WWTR1: variants seen among roughly 807,000 people sequenced by gnomAD.
WWTR1 encodes the protein WW domain containing transcription regulator 1.
A neutral mutation model predicts 40.1 loss-of-function variants in WWTR1; 13 were observed. That is an observed-to-expected ratio of 0.32 (90% CI 0.21 to 0.52). The LOEUF (loss-of-function observed/expected upper bound fraction) is 0.52, where lower values mean the gene tolerates loss of function less well. Ranked by LOEUF, WWTR1 falls within the 20% of genes least tolerant of loss-of-function variation. The pLI, the probability that WWTR1 is intolerant of heterozygous loss-of-function variation, is 0.97. For missense variants in WWTR1, 436 were observed against 523.1 expected (o/e 0.83, Z 1.63); for synonymous variants, 230 against 210.1 (o/e 1.09, Z -0.82).
chr3:149,696,044 T>C (rs1439906504), intron 1 of WWTR1, among the ~76,000 whole-genome samples: 2 of 121,188 alleles, frequency 1.7e-5, no homozygotes, highest in African/African-American at 6.5e-5. Flanking sequence ...ACCCAGGAGG[T>C]GGAGCTTGCA....
At position 149,665,226 on chromosome 3, in the gene WWTR1, T is replaced by TC. The variant is rs764381090; in HGVS notation, c.-4+4561dup. Among the ~76,000 whole-genome samples, 514 of 97,718 alleles carry TC rather than the reference T, an allele frequency of 5.3e-3. 2 individuals carry two copies. Among genetic ancestry groups the TC allele is most frequent in the Non-Finnish European group, 8.7e-3 (427 of 49,010 alleles). 64.1% of individuals were successfully genotyped at this position (97,718 alleles called of 152,430 possible). On this transcript the variant is annotated intron_variant, in intron 2 of 7. Transcript: ENST00000465804. ...CGGGAAATTAGAAATTTCCTTTCTT[T>TC]CTTTTTTTTTTTTTTTTTGAGACAG...
At chr3:149,680,810 C>G (rs780407354) in intron 1 of WWTR1, among the ~76,000 whole-genome samples, 1 of 152,174 alleles carries the variant, frequency 6.6e-6, no homozygotes, top group Non-Finnish European at 1.5e-5. Context: ...CCACTTCACT[C>G]CAGCCTGAAT....
At chr3:149,541,126 T>C (rs762989208) in intron 4 of WWTR1, 2 of 435,474 alleles carry the variant, frequency 4.6e-6, no homozygotes, top group Non-Finnish European at 9.2e-6. Flanking sequence ...TCTTGCTTCA[T>C]GTGAGTCACA....
At chr3:149,524,377 C>CT (rs1560043021) in intron 6 of WWTR1, among the ~76,000 whole-genome samples, 2 of 137,420 alleles carry the variant, frequency 1.5e-5, no homozygotes, top group African/African-American at 5.4e-5. Flanking sequence ...ATCTCCTGAG[C>CT]TTTTTTCCTT....
intron 2 of WWTR1, among the ~76,000 whole-genome samples, chr3:149,582,165 C>G (rs554533612): frequency 6.6e-6 from 1 of 151,996 alleles, no homozygotes; most frequent in African/African-American, 2.4e-5. Flanking sequence ...AGAGACACCC[C>G]GTCATATGCT....
At chr3:149,554,066 A>G (rs1163194131) in intron 3 of WWTR1, among the ~76,000 whole-genome samples, 1 of 152,208 alleles carries the variant, frequency 6.6e-6, no homozygotes, top group East Asian at 1.9e-4. Context: ...GCAAAAAAAA[A>G]GCAGCTTTTC....
intron 3 of WWTR1, among the ~76,000 whole-genome samples, chr3:149,569,398 C>A (rs1362589757): frequency 6.6e-6 from 1 of 152,178 alleles, no homozygotes; most frequent in Middle Eastern, 3.4e-3. Flanking sequence ...TATATAAACT[C>A]GTAAGTTCCT....
intron 3 of WWTR1, among the ~76,000 whole-genome samples, chr3:149,555,299 G>T (rs1187997992): frequency 1.3e-5 from 2 of 152,178 alleles, no homozygotes; most frequent in Non-Finnish European, 1.5e-5. Flanking sequence ...AAGATTCCAA[G>T]AGGTAGTCAA....
At chr3:149,597,232 T>C (rs1011191773) in intron 2 of WWTR1, among the ~76,000 whole-genome samples, 3 of 152,120 alleles carry the variant, frequency 2.0e-5, no homozygotes, top group African/African-American at 7.2e-5. Flanking sequence ...TGTCGTATGC[T>C]GACAACAATG....
At chr3:149,713,091 T>C (rs111975353) in intron 5 of WWTR1, among the ~76,000 whole-genome samples, 43 of 152,256 alleles carry the variant, frequency 2.8e-4, no homozygotes, top group African/African-American at 9.9e-4. Flanking sequence ...GGAATGTAGG[T>C]GGAGAGAAAA....
At chr3:149,643,585 A>C (rs1198356689) in intron 2 of WWTR1, among the ~76,000 whole-genome samples, 1 of 152,222 alleles carries the variant, frequency 6.6e-6, no homozygotes, top group African/African-American at 2.4e-5. Context: ...AGTGAGAGAC[A>C]CTATAGGTTA....
At chr3:149,524,229 A>G (rs17195624) in intron 6 of WWTR1, among the ~76,000 whole-genome samples, 23,073 of 152,080 alleles carry the variant, frequency 0.15, 1,815 homozygotes, top group South Asian at 0.19. Flanking sequence ...TCAGGACGTC[A>G]TTTAATTCCA....
rs757669865 is a variant in WWTR1, at chr3:149,572,892, C to A, written c.540G>T (p.Arg180Ser). 13 of 1,613,262 alleles carry A rather than the reference C, an allele frequency of 8.1e-6. No individual in the cohort carries two copies. In the South Asian group the frequency reaches 1.2e-4, roughly 15 times the overall value. ...GATTTGGCTGGGATACTGCCATGGACCTCTGAGGCACTGGTGTGGAACTGA... is the reference window on the plus strand; with the variant it reads ...GATTTGGCTGGGATACTGCCATGGAACTCTGAGGCACTGGTGTGGAACTGA... The part of the protein sequence containing the change: ...PAVSSTPVPQ[R>S]SMAVSQPNLV... Residue 180 changes from arginine to serine, a missense_variant, in exon 3 of 7, where the codon AGG becomes AGT. Transcript: ENST00000360632.
At chr3:149,633,920 A>G (rs1711680091) in intron 2 of WWTR1, among the ~76,000 whole-genome samples, 1 of 152,192 alleles carries the variant, frequency 6.6e-6, no homozygotes, top group South Asian at 2.1e-4. Flanking sequence ...AGGACAGGAC[A>G]CCAAGAAGAG....
intron 2 of WWTR1, among the ~76,000 whole-genome samples, chr3:149,625,980 C>T (rs1740528023): frequency 6.6e-6 from 1 of 152,124 alleles, no homozygotes; most frequent in South Asian, 2.1e-4. Context: ...ACGTCTGACA[C>T]CCAGTTGAGC....
At chr3:149,576,635 G>A (rs1333449257) in intron 2 of WWTR1, among the ~76,000 whole-genome samples, 2 of 152,038 alleles carry the variant, frequency 1.3e-5, no homozygotes, top group Admixed American at 6.6e-5. Flanking sequence ...CTATATATGT[G>A]TATTGTATAA....
intron 3 of WWTR1, among the ~76,000 whole-genome samples, chr3:149,557,820 T>C (rs1317074373): frequency 1.3e-5 from 2 of 151,930 alleles, no homozygotes; most frequent in East Asian, 3.9e-4. Flanking sequence ...CTGGCCAACA[T>C]GGTGAAACCC....
At chr3:149,633,852 C>T (rs1173669234) in intron 2 of WWTR1, among the ~76,000 whole-genome samples, 1 of 152,046 alleles carries the variant, frequency 6.6e-6, no homozygotes, top group Non-Finnish European at 1.5e-5. Flanking sequence ...GCTCGATGAG[C>T]AGGGTCACAC....
At chr3:149,592,765 G>C (rs1738791645) in intron 2 of WWTR1, among the ~76,000 whole-genome samples, 1 of 152,070 alleles carries the variant, frequency 6.6e-6, no homozygotes, top group Non-Finnish European at 1.5e-5. Context: ...TCTATTCTTA[G>C]TGTGCTTTCG....
Sources: gnomAD v4.1 joint callset for allele counts (sites outside exome capture counted in the v4.1 genomes callset) on GRCh38, gnomAD v4.1.1 for gene constraint, MANE v1.5 for transcripts, NCBI Gene and HGNC (gene_info 2026-07-23, HGNC 2026-07-21) for gene names.